Variants in PCBD2 observed in about 807,000 individuals in gnomAD.
PCBD2 encodes the protein pterin-4 alpha-carbinolamine dehydratase 2.
PCBD2 carries 12 observed loss-of-function variants against 16.4 expected under a neutral mutation model. That is an observed-to-expected ratio of 0.73 (90% CI 0.47 to 1.19). The LOEUF (loss-of-function observed/expected upper bound fraction) is 1.19. Ranked by LOEUF, PCBD2 falls within the 50% of genes most tolerant of loss-of-function variation. The pLI is 0.00. For missense variants in PCBD2, 138 were observed against 156.8 expected (o/e 0.88, Z 0.64); for synonymous variants, 58 against 61.8 (o/e 0.94, Z 0.29).
intron 3 of PCBD2, 100 bp downstream of exon 3, chr5:134,959,220 G>T (rs1318665406): frequency 2.3e-6 from 2 of 862,292 alleles, no homozygotes; most frequent in Non-Finnish European, 3.6e-6. Flanking sequence ...TTGTACTTAA[G>T]AAAGTCTTAT....
Position 134,934,205 on chromosome 5 carries a change from G to C in PCBD2, c.216+23739G>C, listed in dbSNP as rs74291910. ...GTAAGGGACATGTACTTTCCCCTTT[G>C]TATTTGTCTCTGGGTGATATTGCTG... is the stretch of plus-strand genomic sequence containing the variant. On this transcript the variant is annotated intron_variant, in intron 2 of 3. Transcript: ENST00000254908. Among the ~76,000 whole-genome samples, 523 of 152,038 alleles carry C rather than the reference G, an allele frequency of 3.4e-3. 8 individuals carry two copies. In the East Asian group the frequency reaches 0.039, roughly 11 times the overall value.
chr5:134,937,898 C>T (rs965703316), intron 2 of PCBD2, among the ~76,000 whole-genome samples: 2 of 152,162 alleles, frequency 1.3e-5, no homozygotes, highest in African/African-American at 4.8e-5. Flanking sequence ...AATGGCAAAC[C>T]ATCTTATACA....
At chr5:134,927,689 G>T (rs1751031036) in intron 2 of PCBD2, 3 of 398,124 alleles carry the variant, frequency 7.5e-6, no homozygotes, top group South Asian at 2.6e-4. Flanking sequence ...TATAAAATAT[G>T]ATTAGTTCTA....
chr5:134,927,725 G>C (rs1419057245), intron 2 of PCBD2: 1 of 398,056 alleles, frequency 2.5e-6, no homozygotes, highest in East Asian at 3.6e-5. Flanking sequence ...TAATTAAGGA[G>C]ATTTGTAGGG....
In PCBD2 at chr5:134,927,671, G is replaced by A. The variant is rs745603064; in HGVS notation, c.216+17205G>A. 2.8e-5 allele frequency: 11 copies of A among 398,070 alleles called. No homozygotes were observed. The South Asian group carries it at 6.4e-4, about 23-fold the overall frequency. 24.7% of individuals were successfully genotyped at this position (398,070 alleles called of 1,614,324 possible). On this transcript the variant is annotated intron_variant, in intron 2 of 3. Transcript: ENST00000254908. Reference sequence around the variant, plus strand: ...CCAGGGTGGGGATAAGTGTGGTTTCGAAGAAGATATAAAATATGATTAGTT... The same window carrying A: ...CCAGGGTGGGGATAAGTGTGGTTTCAAAGAAGATATAAAATATGATTAGTT...
Position 134,954,235 on chromosome 5 carries a change from A to G in PCBD2, c.217-4805A>G, listed in dbSNP as rs535700466. On this transcript the variant is annotated intron_variant, in intron 2 of 3. Transcript: ENST00000254908. ...CTTGGATTCCCAAAGCGCTGGGATT[A>G]CAGGCATGAACCATTGTGCCCAGCC... is the stretch of plus-strand genomic sequence containing the variant. 7.2e-4 allele frequency among the ~76,000 whole-genome samples: 110 copies of G among 152,338 alleles called. 1 individual carries two copies. The highest frequency in any genetic ancestry group is 2.6e-3 in the African/African-American group (107 of 41,586).
chr5:134,946,687 T>C (rs2149538712), intron 2 of PCBD2, among the ~76,000 whole-genome samples: 1 of 152,350 alleles, frequency 6.6e-6, no homozygotes, highest in East Asian at 1.9e-4. Flanking sequence ...GTACTGCTTA[T>C]AGAAAATGTA....
chr5:134,938,192 G>T (rs1008359265), intron 2 of PCBD2, among the ~76,000 whole-genome samples: 4 of 152,202 alleles, frequency 2.6e-5, no homozygotes, highest in African/African-American at 9.6e-5. Context: ...GCCTGTAGCT[G>T]CCATGCCTAC....
At chr5:134,920,306 A>T (rs375051241) in intron 2 of PCBD2, among the ~76,000 whole-genome samples, 25 of 152,218 alleles carry the variant, frequency 1.6e-4, no homozygotes, top group African/African-American at 6.0e-4. Context: ...TGTCACAGTT[A>T]CCAGATGCAA....
At chr5:134,918,035 C>T (rs187339346) in intron 2 of PCBD2, among the ~76,000 whole-genome samples, 2 of 152,160 alleles carry the variant, frequency 1.3e-5, no homozygotes, top group Non-Finnish European at 2.9e-5. Context: ...GTGGAAGTCT[C>T]GATAGCTCTC....
intron 2 of PCBD2, among the ~76,000 whole-genome samples, chr5:134,936,064 T>C (rs572497859): frequency 6.6e-6 from 1 of 152,360 alleles, no homozygotes; most frequent in East Asian, 1.9e-4. Flanking sequence ...AAAATTATAA[T>C]TTAATATGTT....
At chr5:134,925,093 C>G (rs755535359) in intron 2 of PCBD2, 1 of 396,452 alleles carries the variant, frequency 2.5e-6, no homozygotes. Flanking sequence ...GATTGTTAGG[C>G]GTTTAATGGG....
At chr5:134,952,658 A>G (rs1309802060) in intron 2 of PCBD2, among the ~76,000 whole-genome samples, 1 of 152,156 alleles carries the variant, frequency 6.6e-6, no homozygotes, top group Middle Eastern at 3.2e-3. Flanking sequence ...TAAAAAAATT[A>G]GCCAGGCATA....
intron 2 of PCBD2, chr5:134,925,026 G>T (rs936663003): frequency 1.5e-5 from 6 of 394,850 alleles, no homozygotes; most frequent in South Asian, 2.8e-4. Flanking sequence ...TTGTCATTTG[G>T]GGGGTGGATG....
intron 2 of PCBD2, chr5:134,927,854 TA>T (rs1337839972): frequency 4.8e-6 from 1 of 206,212 alleles, no homozygotes; most frequent in East Asian, 9.0e-5. Flanking sequence ...GGGGGGTCGT[TA>T]GGGGGTCGGA....
chr5:134,913,751 G>C (rs899582947), intron 2 of PCBD2, among the ~76,000 whole-genome samples: 4 of 152,138 alleles, frequency 2.6e-5, no homozygotes, highest in African/African-American at 9.7e-5. Flanking sequence ...GTCTTATGGA[G>C]GTATCAGTGG....
chr5:134,925,334 C>G (rs1454999984), intron 2 of PCBD2: 1 of 398,138 alleles, frequency 2.5e-6, no homozygotes, highest in Non-Finnish European at 4.4e-6. Context: ...GCTAGGTTGC[C>G]AATGGTGAGG....
intron 2 of PCBD2, among the ~76,000 whole-genome samples, chr5:134,944,704 A>G (rs1338961202): frequency 6.6e-6 from 1 of 152,194 alleles, no homozygotes; most frequent in Admixed American, 6.5e-5. Flanking sequence ...TTGTACTGGT[A>G]CCTGTATGCT....
chr5:134,909,689 C>A (rs1453335357), intron 1 of PCBD2, among the ~76,000 whole-genome samples: 1 of 152,178 alleles, frequency 6.6e-6, no homozygotes, highest in African/African-American at 2.4e-5. Context: ...AATTCTGGTC[C>A]TGCCAATAGA....
Sources: gnomAD v4.1 joint callset for allele counts (sites outside exome capture counted in the v4.1 genomes callset) on GRCh38, gnomAD v4.1.1 for gene constraint, MANE v1.5 for transcripts, NCBI Gene and HGNC (gene_info 2026-07-23, HGNC 2026-07-21) for gene names.